IQGAP2: variants seen among roughly 807,000 people sequenced by gnomAD.
The protein encoded by IQGAP2 is ras GTPase-activating-like protein IQGAP2.
IQGAP2 carries 173 observed loss-of-function variants against 201.3 expected under a neutral mutation model. That is an observed-to-expected ratio of 0.86 (90% CI 0.76 to 0.98). IQGAP2 has a LOEUF of 0.98. Among genes scored for constraint, IQGAP2 ranks in the 50% least tolerant of loss-of-function variants. The probability of loss-of-function intolerance (pLI) is 0.00; values close to 1 mark genes in which losing one functional copy is unlikely to be tolerated. For missense variants in IQGAP2, 1,687 were observed against 1,864.8 expected, an observed-to-expected ratio of 0.90 and a Z score of 1.76; for synonymous variants, 675 against 673.9, an observed-to-expected ratio of 1.00 and a Z score of -0.03.
At chr5:76,554,522 C>T (rs1436516756) in intron 2 of IQGAP2, among the ~76,000 whole-genome samples, 6 of 152,146 alleles carry the variant, frequency 3.9e-5, no homozygotes, top group African/African-American at 1.4e-4. Context: ...AAAGACATTT[C>T]TCCAAAAGTA....
chr5:76,480,669 A>C (rs1755725840), intron 2 of IQGAP2, among the ~76,000 whole-genome samples: 1 of 152,132 alleles, frequency 6.6e-6, no homozygotes, highest in Admixed American at 6.5e-5. Flanking sequence ...CCAATGTGTC[A>C]ATTCTTACCA....
At chr5:76,508,004 CAAAAAA>C (rs35283673) in intron 2 of IQGAP2, among the ~76,000 whole-genome samples, 1 of 63,310 alleles carries the variant, frequency 1.6e-5, no homozygotes. Flanking sequence ...GACTCCTTCT[CAAAAAA>C]AAAAAAAAAA....
At chr5:76,670,110 C>T (rs1346057752) in intron 23 of IQGAP2, among the ~76,000 whole-genome samples, 2 of 152,128 alleles carry the variant, frequency 1.3e-5, no homozygotes, top group African/African-American at 2.4e-5. Flanking sequence ...CACGTGAGGT[C>T]TGAGGGGAGA....
At position 76,536,778 on chromosome 5, in the gene IQGAP2, A is replaced by T. The variant is rs1019084745; in HGVS notation, c.147-25618A>T. Among the ~76,000 whole-genome samples the T allele has an allele frequency of 9.2e-5, 14 of 151,878 alleles. No homozygotes were observed. The East Asian group carries it at 9.6e-4, about 10-fold the overall frequency. ...TCCGTCTCCAAAAAAAAAAAAAAAA[A>T]TTTGGTAAGACATGGCTTTTGGCTT... is the stretch of plus-strand genomic sequence containing the variant. On this transcript the variant is annotated intron_variant, in intron 2 of 35. Coordinates refer to ENST00000274364, the MANE Select transcript of IQGAP2 (RefSeq NM_006633.5).
At chr5:76,677,100 T>C in intron 27 of IQGAP2, 118 bp from the exon 28 acceptor site, 1 of 987,610 alleles carries the variant, frequency 1.0e-6, no homozygotes, top group Non-Finnish European at 1.5e-6. Context: ...ACACGTCCTC[T>C]CAAGGTTTGA....
chr5:76,505,028 G>A (rs1757526852), intron 2 of IQGAP2, among the ~76,000 whole-genome samples: 1 of 152,110 alleles, frequency 6.6e-6, no homozygotes, highest in Non-Finnish European at 1.5e-5. Flanking sequence ...ATGTTCAAAG[G>A]TCATGTCCTC....
In IQGAP2 at chr5:76,701,092, A is replaced by G. The variant is rs766704578; in HGVS notation, c.4384A>G (p.Ile1462Val). 4 of 1,614,100 alleles carry G rather than the reference A, an allele frequency of 2.5e-6. No homozygotes were observed. The highest frequency in any genetic ancestry group is 1.3e-5 in the African/African-American group (1 of 74,946). ...NLKRKNTRRS[I>V]KLDGKGEPKG... ...TTTTGTCAGAAATACTCGGAGATCA[A>G]TTAAACTAGATGGAAAAGGAGAACC... is the stretch of plus-strand genomic sequence containing the variant. The change falls in exon 34 of 36, where the codon ATT (isoleucine) becomes GTT (valine). Residue 1462 changes from isoleucine (I) to valine (V), a missense_variant. Ile to Val is a conservative substitution (Grantham distance 29). Coordinates refer to ENST00000274364, the MANE Select transcript of IQGAP2 (RefSeq NM_006633.5).
At position 76,683,827 on chromosome 5, in the gene IQGAP2, A is replaced by G; in HGVS notation, c.3815A>G (p.Gln1272Arg). ...CCTAACAAGGCAAATACACTAAGTCAGCTTTCAAAGACCGAGATTTCTCTT... is the reference window on the plus strand; with the variant it reads ...CCTAACAAGGCAAATACACTAAGTCGGCTTTCAAAGACCGAGATTTCTCTT... Reference protein sequence around the residue: ...NDPNKANTLSQLSKTEISLVL... With the variant: ...NDPNKANTLSRLSKTEISLVL... The change falls in exon 30 of 36, where the codon CAG becomes CGG. Residue 1272 changes from glutamine to arginine, a missense_variant. Transcript: ENST00000274364. 1 of 1,613,814 alleles carries G rather than the reference A, an allele frequency of 6.2e-7. No homozygotes were observed. Among genetic ancestry groups the G allele is most frequent in the Non-Finnish European group, 8.5e-7 (1 of 1,179,824 alleles).
chr5:76,534,542 A>G (rs1051019916), intron 2 of IQGAP2, among the ~76,000 whole-genome samples: 1 of 152,250 alleles, frequency 6.6e-6, no homozygotes, highest in Non-Finnish European at 1.5e-5. Flanking sequence ...TTAATAGTTA[A>G]GTCTCTTCAA....
At chr5:76,521,371 A>G (rs1487290166) in intron 2 of IQGAP2, among the ~76,000 whole-genome samples, 1 of 152,070 alleles carries the variant, frequency 6.6e-6, no homozygotes, top group Non-Finnish European at 1.5e-5. Flanking sequence ...ACTATTTCCT[A>G]TTTCTCTCAT....
At position 76,668,756 on chromosome 5, in the gene IQGAP2, A is replaced by G; in HGVS notation, c.2755A>G (p.Ile919Val). 1 of 1,610,680 alleles carries G rather than the reference A, an allele frequency of 6.2e-7. No individual in the cohort carries two copies. Among genetic ancestry groups the G allele is most frequent in the Non-Finnish European group, 8.5e-7 (1 of 1,177,858 alleles). The change falls in exon 23 of 36, where the codon ATT (isoleucine) becomes GTT (valine). Residue 919 changes from isoleucine (I) to valine (V), a missense_variant. Transcript: ENST00000274364. ...GTCCACTAAATTTATGGATACTGTT[A>G]TTTTCACACTATATAATTATGCCTC... ...NKSTKFMDTVIFTLYNYASNQ... is the reference protein window; with the variant it reads ...NKSTKFMDTVVFTLYNYASNQ...
chr5:76,595,243 CTTTT>C (rs1180358517), intron 9 of IQGAP2, among the ~76,000 whole-genome samples: 149 of 35,284 alleles, frequency 4.2e-3, no homozygotes, highest in African/African-American at 0.015. Context: ...CATTTCTTTG[CTTTT>C]TTTTTTTTTT....
chr5:76,508,971 T>C (rs191510331), intron 2 of IQGAP2, among the ~76,000 whole-genome samples: 74 of 152,092 alleles, frequency 4.9e-4, no homozygotes, highest in African/African-American at 1.7e-3. Context: ...CCATGTACCA[T>C]GCTGATGACA....
intron 35 of IQGAP2, among the ~76,000 whole-genome samples, chr5:76,704,885 T>C (rs1747737659): frequency 6.6e-6 from 1 of 152,212 alleles, no homozygotes; most frequent in Non-Finnish European, 1.5e-5. Context: ...GGACCAAAGT[T>C]TGAAAGGACT....
At chr5:76,438,171 T>C (rs1752828011) in intron 1 of IQGAP2, among the ~76,000 whole-genome samples, 1 of 152,094 alleles carries the variant, frequency 6.6e-6, no homozygotes, top group Non-Finnish European at 1.5e-5. Flanking sequence ...GAATCAATTC[T>C]TCTTTGAATG....
intron 12 of IQGAP2, 117 bp downstream of exon 12, chr5:76,606,420 C>G: frequency 4.3e-6 from 3 of 695,760 alleles, no homozygotes; most frequent in Non-Finnish European, 6.8e-6. Context: ...AGAGCAAACT[C>G]CGCTAATATG....
At position 76,696,073 on chromosome 5, in the gene IQGAP2, C is replaced by T. The variant is rs143905791; in HGVS notation, c.4206+407C>T. 2.2e-3 allele frequency among the ~76,000 whole-genome samples: 339 copies of T among 151,850 alleles called. 2 individuals carry two copies. Among genetic ancestry groups the T allele is most frequent in the South Asian group, 9.4e-3 (45 of 4,812 alleles). On this transcript the variant is annotated intron_variant, in intron 32 of 35. Transcript: ENST00000274364. ...CCAGGCTGGTCTCGAAATCCTGACC[C>T]GGTGATCCACCGGGGCCTCCCAAGC...
At chr5:76,624,971 G>A (rs1012404524) in intron 13 of IQGAP2, among the ~76,000 whole-genome samples, 2 of 152,236 alleles carry the variant, frequency 1.3e-5, no homozygotes, top group African/African-American at 4.8e-5. Flanking sequence ...CTACTTGGGA[G>A]GCTGAGGCAG....
rs1235570449 is a variant in IQGAP2, at chr5:76,403,532, C to G, written c.-14C>G. The G allele has an allele frequency of 3.3e-6, 5 of 1,498,494 alleles. No homozygotes were observed. The Admixed American group carries it at 1.1e-4, about 34-fold the overall frequency. 92.8% of individuals were successfully genotyped at this position (1,498,494 alleles called of 1,614,324 possible). On this transcript the variant is annotated 5_prime_UTR_variant, in exon 1 of 36. Coordinates refer to ENST00000274364, the MANE Select transcript of IQGAP2 (RefSeq NM_006633.5). This position sits in a 1 kb window ranked among gnomAD's most constrained non-coding sequence, Gnocchi z 4.8. ...GGGGGGCGCGCCCCGGGCGGGCCCCCGGAGACGCGCAGGATGCCACACGAA... is the reference window on the plus strand; with the variant it reads ...GGGGGGCGCGCCCCGGGCGGGCCCCGGGAGACGCGCAGGATGCCACACGAA...
Sources: allele counts gnomAD v4.1 joint callset (sites outside exome capture counted in the v4.1 genomes callset), GRCh38; gene constraint gnomAD v4.1.1; non-coding constraint Gnocchi (gnomAD v3.1); transcripts MANE v1.5; gene names NCBI Gene and HGNC (gene_info 2026-07-23, HGNC 2026-07-21).